The following CSRNP3 variants were observed in gnomAD, a reference collection of about 807,000 sequenced individuals.
CSRNP3 encodes cysteine/serine-rich nuclear protein 3.
A neutral mutation model predicts 48.0 loss-of-function variants in CSRNP3; 12 were observed. The ratio of observed to expected loss-of-function variants is 0.25; its 90% confidence interval spans 0.16 to 0.41. The LOEUF is 0.41. CSRNP3 is among the 10% of genes least tolerant of loss of function. The pLI is 1.00. For missense variants in CSRNP3, 580 were observed against 724.4 expected (o/e 0.80, Z 2.29); for synonymous variants, 263 against 269.7 (o/e 0.98, Z 0.24).
intron 3 of CSRNP3, among the ~76,000 whole-genome samples, chr2:165,581,000 G>A (rs116710600): frequency 2.0e-3 from 304 of 152,106 alleles, no homozygotes; most frequent in Non-Finnish European, 3.8e-3. Context: ...TGTTATGGAG[G>A]GAAAAGTAGG....
chr2:165,540,073 C>T (rs1400406675), intron 3 of CSRNP3, among the ~76,000 whole-genome samples: 2 of 152,082 alleles, frequency 1.3e-5, no homozygotes, highest in African/African-American at 4.8e-5. Context: ...ACAAGACTCT[C>T]CAGCCCAAAC....
In CSRNP3 at chr2:165,685,621, A is replaced by T. The variant is rs1271188448; in HGVS notation, c.*5868A>T. 1 of 152,152 alleles carries T rather than the reference A, an allele frequency of 6.6e-6. No individual in the cohort carries two copies. Among genetic ancestry groups the T allele is most frequent in the Non-Finnish European group, 1.5e-5 (1 of 67,994 alleles). 9.4% of individuals were successfully genotyped at this position (152,152 alleles called of 1,614,324 possible). A position where few individuals can be genotyped will look rare whatever the true frequency, so the allele number is the denominator to read the frequency against. ...GGAAATGAGGTCATTTCAAAGATGT[A>T]AGTCACGTTGGTGACTACTTTCTTT... is the stretch of plus-strand genomic sequence containing the variant. On this transcript the variant is annotated 3_prime_UTR_variant, in exon 7 of 7. Coordinates refer to ENST00000651982, the MANE Select transcript of CSRNP3 (RefSeq NM_001172173.2).
chr2:165,645,445 C>T (rs1686795407), intron 4 of CSRNP3, among the ~76,000 whole-genome samples: 1 of 152,208 alleles, frequency 6.6e-6, no homozygotes, highest in South Asian at 2.1e-4. Context: ...ATACCATCAC[C>T]TTGGGGGTTA....
rs146218572 is a variant in CSRNP3, at chr2:165,678,647, G to T, written c.706-54G>T. On this transcript the variant is annotated intron_variant, in intron 6 of 6. Coordinates refer to ENST00000651982, the MANE Select transcript of CSRNP3 (RefSeq NM_001172173.2). ...AAGAAGTTACTGAAAAGTTCTGGGC[G>T]TTTATTTGGTTTGTAATAGTTCCAT... The T allele has an allele frequency of 4.7e-3, 7,261 of 1,551,922 alleles. 32 individuals are homozygous for T. The highest frequency in any genetic ancestry group is 5.6e-3 in the Non-Finnish European group (6,491 of 1,150,090).
At chr2:165,574,454 G>T (rs763256288) in intron 3 of CSRNP3, 57 of 1,503,654 alleles carry the variant, frequency 3.8e-5, no homozygotes, top group Non-Finnish European at 5.0e-5. Flanking sequence ...TTCATGATGC[G>T]CCTGATTTTA....
chr2:165,487,209 AAT>A (rs1684132969), intron 1 of CSRNP3, among the ~76,000 whole-genome samples: 1 of 138,168 alleles, frequency 7.2e-6, no homozygotes, highest in South Asian at 2.5e-4. Context: ...TGGAAGATGA[AAT>A]GAATGAAATG....
At chr2:165,504,096 A>G (rs544647255) in intron 2 of CSRNP3, among the ~76,000 whole-genome samples, 2 of 152,188 alleles carry the variant, frequency 1.3e-5, no homozygotes, top group African/African-American at 4.8e-5. Context: ...ATTTAATTTC[A>G]CATGAGTATC....
chr2:165,633,887 C>A (rs1686584049), intron 4 of CSRNP3, among the ~76,000 whole-genome samples: 1 of 152,192 alleles, frequency 6.6e-6, no homozygotes, highest in Non-Finnish European at 1.5e-5. Context: ...TGAAATCCTG[C>A]CCACACTTCC....
At chr2:165,605,619 A>T (rs1223825498) in intron 4 of CSRNP3, among the ~76,000 whole-genome samples, 1 of 152,184 alleles carries the variant, frequency 6.6e-6, no homozygotes, top group Non-Finnish European at 1.5e-5. Context: ...AATACATTTT[A>T]AAAATATAGA....
chr2:165,570,659 A>G (rs1685356889), intron 3 of CSRNP3, among the ~76,000 whole-genome samples: 1 of 151,710 alleles, frequency 6.6e-6, no homozygotes, highest in East Asian at 1.9e-4. Flanking sequence ...TGACATGATC[A>G]AATATATTAA....
intron 2 of CSRNP3, among the ~76,000 whole-genome samples, chr2:165,517,229 C>T (rs1382657956): frequency 6.6e-6 from 1 of 151,974 alleles, no homozygotes; most frequent in East Asian, 1.9e-4. Flanking sequence ...GTTTCATCAT[C>T]TGTCTAAATG....
chr2:165,549,056 G>A (rs1685066302), intron 3 of CSRNP3, among the ~76,000 whole-genome samples: 1 of 149,354 alleles, frequency 6.7e-6, no homozygotes, highest in Non-Finnish European at 1.5e-5. Context: ...CTTATTTGAG[G>A]CAATCTGCTT....
chr2:165,638,918 G>T (rs535498165), intron 4 of CSRNP3, among the ~76,000 whole-genome samples: 8 of 152,124 alleles, frequency 5.3e-5, no homozygotes, highest in Non-Finnish European at 1.2e-4. Flanking sequence ...ATACAGAGCC[G>T]TTGCTCCTGG....
Position 165,631,294 on chromosome 2 carries a change from G to A in CSRNP3, c.149-26467G>A, listed in dbSNP as rs1021031558. On this transcript the variant is annotated intron_variant, in intron 4 of 6. Transcript: ENST00000651982. ...GTGGGTGCAGGAATTGGCTCTGCCT[G>A]TAAATTACAAGGGGCAGCTTGATGT... Among the ~76,000 whole-genome samples the A allele has an allele frequency of 7.9e-5, 12 of 152,274 alleles. No homozygotes were observed. The East Asian group carries it at 2.3e-3, about 29-fold the overall frequency.
chr2:165,477,660 C>T (rs1221468079), intron 1 of CSRNP3, among the ~76,000 whole-genome samples: 2 of 137,916 alleles, frequency 1.5e-5, no homozygotes, highest in African/African-American at 2.7e-5. Context: ...CAGAGCCAGA[C>T]TCCATCTCAA....
chr2:165,658,099 A>G (rs1687036523), intron 5 of CSRNP3, 79 bp downstream of exon 5: 2 of 1,464,396 alleles, frequency 1.4e-6, no homozygotes, highest in African/African-American at 1.4e-5. Context: ...CATATTTATA[A>G]TCACGAAACA....
In CSRNP3 at chr2:165,670,888, A is replaced by T. The variant is rs1269523001; in HGVS notation, c.409-5424A>T. Among the ~76,000 whole-genome samples, 3 of 152,006 alleles carry T rather than the reference A, an allele frequency of 2.0e-5. 1 individual carries two copies. Among genetic ancestry groups the T allele is most frequent in the African/African-American group, 7.2e-5 (3 of 41,386 alleles). ...TGCTTTGAGCTCTTGGGGAGGCAAC[A>T]TTATTTTTTTGAAAAAAAAAGAAAA... is the stretch of plus-strand genomic sequence containing the variant. On this transcript the variant is annotated intron_variant, in intron 5 of 6. Coordinates refer to ENST00000651982, the MANE Select transcript of CSRNP3 (RefSeq NM_001172173.2).
At chr2:165,499,153 A>G (rs761297970) in intron 2 of CSRNP3, among the ~76,000 whole-genome samples, 24 of 152,188 alleles carry the variant, frequency 1.6e-4, no homozygotes, top group Non-Finnish European at 2.5e-4. Context: ...AATTTAGGTA[A>G]TTAAAATTCT....
intron 2 of CSRNP3, among the ~76,000 whole-genome samples, chr2:165,499,418 AAG>A (rs902142422): frequency 3.3e-5 from 5 of 152,146 alleles, no homozygotes; most frequent in Non-Finnish European, 5.9e-5. Flanking sequence ...AAAAGAAAAA[AAG>A]AGAGAGAGAC....
Sources: allele counts gnomAD v4.1 joint callset (sites outside exome capture counted in the v4.1 genomes callset), GRCh38; gene constraint gnomAD v4.1.1; transcripts MANE v1.5; gene names NCBI Gene and HGNC (gene_info 2026-07-23, HGNC 2026-07-21).